SMG7: variants seen among roughly 807,000 people sequenced by gnomAD.
SMG7 encodes the protein SMG7 nonsense mediated mRNA decay factor, also known as nonsense-mediated mRNA decay factor SMG7.
In SMG7, 34 loss-of-function variants were observed where a neutral mutation model predicts 148.2. The observed-to-expected ratio is 0.23, with a 90% confidence interval of 0.17 to 0.31. SMG7 has a LOEUF of 0.31. SMG7 is among the 10% of genes least tolerant of loss of function. The probability of loss-of-function intolerance (pLI) is 1.00; values close to 1 mark genes in which losing one functional copy is unlikely to be tolerated. For synonymous variants in SMG7, 492 were observed against 515.1 expected (o/e 0.96, Z 0.61); for missense variants, 1,114 against 1,408.4 (o/e 0.79, Z 3.35).
At chr1:183,550,115 C>T (rs1202422015) in intron 20 of SMG7, 192 bp downstream of exon 20, 1 of 511,886 alleles carries the variant, frequency 2.0e-6, no homozygotes, top group Non-Finnish European at 3.4e-6. Flanking sequence ...ATAAATGCTA[C>T]TGACAAAACT....
chr1:183,541,343 G>A (rs1176805533), intron 13 of SMG7, among the ~76,000 whole-genome samples: 3 of 152,146 alleles, frequency 2.0e-5, no homozygotes, highest in Non-Finnish European at 4.4e-5. Context: ...TATTACAGAG[G>A]TCTTTCTTGT....
chr1:183,494,137 G>A (rs1657785291), intron 1 of SMG7, among the ~76,000 whole-genome samples: 1 of 151,978 alleles, frequency 6.6e-6, no homozygotes, highest in African/African-American at 2.4e-5. Context: ...ACAGGCATAC[G>A]CCACCATGCC....
At chr1:183,533,867 G>A (rs745431938) in intron 10 of SMG7, 35 bp downstream of exon 10, 16 of 1,568,086 alleles carry the variant, frequency 1.0e-5, no homozygotes, top group East Asian at 2.3e-5. Flanking sequence ...TAACTTGTGT[G>A]CTTTGTTTGT....
chr1:183,538,849 T>C (rs1668258745), intron 12 of SMG7, among the ~76,000 whole-genome samples: 1 of 152,170 alleles, frequency 6.6e-6, no homozygotes, highest in Non-Finnish European at 1.5e-5. Context: ...TCTATTTTCC[T>C]ACGTTGCCTT....
chr1:183,517,999 G>A (rs1311060450), intron 4 of SMG7, among the ~76,000 whole-genome samples, 179 bp downstream of exon 4: 1 of 152,164 alleles, frequency 6.6e-6, no homozygotes, highest in Admixed American at 6.5e-5. Flanking sequence ...CCAGGCTGGA[G>A]TGTAGTGGTG....
chr1:183,499,688 G>C (rs1659323383), intron 1 of SMG7, among the ~76,000 whole-genome samples: 1 of 152,078 alleles, frequency 6.6e-6, no homozygotes, highest in South Asian at 2.1e-4. Context: ...TTGTTCTCTG[G>C]ACAGCCTGTT....
rs1211919066 is a variant in SMG7 at position 183,503,008 on chromosome 1, T to C, written c.30-9829T>C. ...CTCTGCGAGAGTGATACCTCTAGCC[T>C]GGCCATTTCAGAAGGCCTTAAATAT... is the stretch of plus-strand genomic sequence containing the variant. On this transcript the variant is annotated intron_variant, in intron 1 of 22. Transcript: ENST00000688051. Among the ~76,000 whole-genome samples, 2 of 152,244 alleles carry C rather than the reference T, an allele frequency of 1.3e-5. 1 individual carries two copies. Among genetic ancestry groups the C allele is most frequent in the African/African-American group, 4.8e-5 (2 of 41,464 alleles).
chr1:183,499,383 G>A (rs913970207), intron 1 of SMG7, among the ~76,000 whole-genome samples: 1 of 152,120 alleles, frequency 6.6e-6, no homozygotes, highest in African/African-American at 2.4e-5. Context: ...GAGAGTTCCC[G>A]ATGCTCCACA....
At chr1:183,531,452 A>G (rs1572021649) in intron 8 of SMG7, among the ~76,000 whole-genome samples, 1 of 152,154 alleles carries the variant, frequency 6.6e-6, no homozygotes, top group African/African-American at 2.4e-5. Context: ...TCTCTACAAT[A>G]TAATCTAAAT....
In SMG7 at chr1:183,552,409, C is replaced by T; in HGVS notation, c.*478C>T. The T allele has an allele frequency of 1.0e-6, 1 of 989,684 alleles. No individual in the cohort carries two copies. Among genetic ancestry groups the T allele is most frequent in the Non-Finnish European group, 1.2e-6 (1 of 832,416 alleles). 61.3% of individuals were successfully genotyped at this position (989,684 alleles called of 1,614,324 possible). On this transcript the variant is annotated 3_prime_UTR_variant, in exon 23 of 23. Transcript: ENST00000688051. ...AAACATCTTTTATTATTATTACTCT[C>T]AGTAGTAAAATATCACACTGAATTC... is the stretch of plus-strand genomic sequence containing the variant.
chr1:183,526,970 A>G (rs904231206), intron 5 of SMG7, among the ~76,000 whole-genome samples: 2 of 152,252 alleles, frequency 1.3e-5, no homozygotes, highest in Non-Finnish European at 2.9e-5. Flanking sequence ...AGTAACTTTC[A>G]TATTAAGATT....
intron 1 of SMG7, among the ~76,000 whole-genome samples, chr1:183,509,155 A>G (rs1661604508): frequency 6.6e-6 from 1 of 152,186 alleles, no homozygotes; most frequent in African/African-American, 2.4e-5. Context: ...CTGTGTTCCA[A>G]TAAAACTGTC....
At chr1:183,516,872 T>G (rs1244284384) in intron 3 of SMG7, among the ~76,000 whole-genome samples, 1 of 152,214 alleles carries the variant, frequency 6.6e-6, no homozygotes, top group Non-Finnish European at 1.5e-5. Flanking sequence ...CTCTAGAGCC[T>G]CAGAAGCTGA....
At chr1:183,501,489 T>A (rs1659699909) in intron 1 of SMG7, among the ~76,000 whole-genome samples, 1 of 152,210 alleles carries the variant, frequency 6.6e-6, no homozygotes, top group Admixed American at 6.5e-5. Flanking sequence ...TAAGCAATTA[T>A]CAATAGCAAT....
intron 14 of SMG7, among the ~76,000 whole-genome samples, chr1:183,542,925 ATATGTGTG>A (rs1336072853): frequency 6.1e-4 from 86 of 141,640 alleles, no homozygotes; most frequent in Middle Eastern, 3.6e-3. Context: ...TAATATATAT[ATATGTGTG>A]TGTGTGTGTG....
At chr1:183,544,796 G>T (rs1264226006) in intron 15 of SMG7, 134 bp from the exon 16 acceptor site, 1 of 966,922 alleles carries the variant, frequency 1.0e-6, no homozygotes, top group East Asian at 2.4e-5. Flanking sequence ...TCAAGTTAAA[G>T]ATTGACAACA....
chr1:183,502,774 GC>G (rs1461126651), intron 1 of SMG7, among the ~76,000 whole-genome samples: 5 of 152,192 alleles, frequency 3.3e-5, no homozygotes, highest in African/African-American at 1.2e-4. Context: ...TCATGTGAGT[GC>G]AGGTAACATC....
intron 1 of SMG7, among the ~76,000 whole-genome samples, chr1:183,500,951 A>C (rs1348058744): frequency 6.6e-6 from 1 of 152,192 alleles, no homozygotes; most frequent in East Asian, 1.9e-4. Flanking sequence ...AGGAGATTGA[A>C]TACATGCTTT....
At chr1:183,523,127 A>T (rs1665129517) in intron 4 of SMG7, among the ~76,000 whole-genome samples, 1 of 152,190 alleles carries the variant, frequency 6.6e-6, no homozygotes, top group Non-Finnish European at 1.5e-5. Flanking sequence ...GGTAGCCTTT[A>T]TTCTAAGAAA....
Sources: gnomAD v4.1 joint callset for allele counts (sites outside exome capture counted in the v4.1 genomes callset) on GRCh38, gnomAD v4.1.1 for gene constraint, MANE v1.5 for transcripts, NCBI Gene and HGNC (gene_info 2026-07-23, HGNC 2026-07-21) for gene names.